PRKX: variants seen among roughly 807,000 people sequenced by gnomAD.
PRKX encodes cAMP-dependent protein kinase catalytic subunit PRKX.
Under a neutral mutation model 22.0 loss-of-function variants are expected in PRKX, and 12 were observed. The observed-to-expected ratio is 0.54, with a 90% CI of 0.35 to 0.88. The LOEUF (loss-of-function observed/expected upper bound fraction) is 0.88. Among genes scored for constraint, PRKX ranks in the 40% least tolerant of loss-of-function variants. The pLI, the probability that PRKX is intolerant of heterozygous loss-of-function variation, is 0.01. For missense variants in PRKX, 217 were observed against 308.0 expected (o/e 0.70, Z 2.21); for synonymous variants, 134 against 137.7 (o/e 0.97, Z 0.19).
chrX:3,639,647 AAAC>A (rs901702151), intron 4 of PRKX, among the ~76,000 whole-genome samples: 2 of 109,045 alleles, frequency 1.8e-5, no homozygotes, highest in Non-Finnish European at 3.8e-5. Flanking sequence ...GATGGATGAT[AAAC>A]AATACACATG....
chrX:3,607,874 CCTT>C lies in PRKX; in HGVS notation c.*1092_*1094del, dbSNP rs1213333523. 2 of 99,952 alleles carry C rather than the reference CCTT, an allele frequency of 2.0e-5. No homozygotes were observed. The highest frequency in any genetic ancestry group is 4.0e-5 in the Non-Finnish European group (2 of 49,726). The allele number at this position is 99,952 out of a possible 1,213,427, so 8.2% of individuals were successfully genotyped here. A position where few individuals can be genotyped will look rare whatever the true frequency, so the allele number is the denominator to read the frequency against. ...CATCTTCAAAAGCACAAAGCCATTGCCTTCTTTTTTTTTTTTTTTTTTTTTGGA... is the reference window on the plus strand; with the variant it reads ...CATCTTCAAAAGCACAAAGCCATTGCCTTTTTTTTTTTTTTTTTTTTTGGA... On this transcript the variant is annotated 3_prime_UTR_variant, in exon 9 of 9. Transcript: ENST00000262848.
At chrX:3,659,443 CAT>C (rs2082114746) in intron 2 of PRKX, 1 of 111,411 alleles carries the variant, frequency 9.0e-6, no homozygotes, top group Non-Finnish European at 1.9e-5. Flanking sequence ...ATGACCCACA[CAT>C]ACAGGTTGCA....
At chrX:3,713,045 C>CCG (rs1332980976) in intron 1 of PRKX, 43 bp downstream of exon 1, 5 of 1,129,345 alleles carry the variant, frequency 4.4e-6, no homozygotes, top group Non-Finnish European at 5.8e-6. Context: ...CCCGGCCACG[C>CCG]CGCGCGCCCC....
chrX:3,630,035 T>C (rs1301503869), intron 4 of PRKX, among the ~76,000 whole-genome samples: 1 of 112,173 alleles, frequency 8.9e-6, no homozygotes, highest in African/African-American at 3.2e-5. Flanking sequence ...AAAAACAAGA[T>C]TGTCATACTA....
intron 2 of PRKX, among the ~76,000 whole-genome samples, chrX:3,662,694 CAAAAA>C (rs55726241): frequency 9.0e-5 from 4 of 44,270 alleles, no homozygotes; most frequent in African/African-American, 2.9e-4. Context: ...GACTCCATCT[CAAAAA>C]AAAAAAAAAA....
intron 1 of PRKX, among the ~76,000 whole-genome samples, chrX:3,682,475 C>T (rs1928093828): frequency 1.8e-5 from 2 of 110,702 alleles, no homozygotes; most frequent in Non-Finnish European, 3.8e-5. Context: ...CCCTGTAATC[C>T]CAGCACAGGA....
At chrX:3,647,427 TTAAC>T (rs1283664710) in intron 3 of PRKX, among the ~76,000 whole-genome samples, 1 of 105,762 alleles carries the variant, frequency 9.5e-6, no homozygotes, top group African/African-American at 3.4e-5. Context: ...ATAATTATGT[TTAAC>T]TAAAAATTAC....
At position 3,668,903 on chromosome X, in the gene PRKX, T is replaced by C. The variant is rs377005897; in HGVS notation, c.335+5695A>G. ...CCGCTACAGTGGGTGTCAATGGAGC[T>C]GATTCTGCTCCCCACAATAAACACT... On this transcript the variant is annotated intron_variant, in intron 2 of 8. Coordinates refer to ENST00000262848, the MANE Select transcript of PRKX (RefSeq NM_005044.5). Among the ~76,000 whole-genome samples, 231 of 112,750 alleles carry C rather than the reference T, an allele frequency of 2.0e-3. 1 individual carries two copies. The highest frequency in any genetic ancestry group is 9.1e-3 in the Middle Eastern group (2 of 219).
chrX:3,614,805 A>G (rs1926382321), intron 7 of PRKX, among the ~76,000 whole-genome samples: 1 of 110,663 alleles, frequency 9.0e-6, no homozygotes, highest in African/African-American at 3.3e-5. Flanking sequence ...TAAATGTTTG[A>G]GCTGATGGAT....
intron 4 of PRKX, among the ~76,000 whole-genome samples, chrX:3,639,513 G>T (rs1431401304): frequency 2.3e-5 from 1 of 42,853 alleles, no homozygotes; most frequent in Non-Finnish European, 4.7e-5. Context: ...GATGGATGAA[G>T]GAGTGGGTGG....
rs192102562 is a variant in PRKX at position 3,705,977 on chromosome X, C to T, written c.166+7111G>A. The stretch of plus-strand genomic sequence containing the variant: ...AAAGTGCTGGGATTACAGGCATGAG[C>T]CACCGCACCCGGCCGGTTTTTCTTT... On this transcript the variant is annotated intron_variant, in intron 1 of 8. Coordinates refer to ENST00000262848, the MANE Select transcript of PRKX (RefSeq NM_005044.5). Among the ~76,000 whole-genome samples the T allele has an allele frequency of 2.9e-4, 28 of 98,216 alleles. No individual in the cohort carries two copies. The Admixed American group carries it at 3.0e-3, about 11-fold the overall frequency. The allele number at this position is 98,216 out of a possible 115,157, so 85.3% of individuals were successfully genotyped here.
At chrX:3,656,275 G>A (rs1371790001) in intron 2 of PRKX, among the ~76,000 whole-genome samples, 1 of 111,465 alleles carries the variant, frequency 9.0e-6, no homozygotes, top group Non-Finnish European at 1.9e-5. Context: ...TATGGGTGTA[G>A]AGAGATGTTA....
At chrX:3,652,657 A>G (rs767621977) in intron 3 of PRKX, among the ~76,000 whole-genome samples, 5 of 112,265 alleles carry the variant, frequency 4.5e-5, no homozygotes, top group African/African-American at 9.7e-5. Flanking sequence ...GTACGGAAAC[A>G]TATCTATATA....
intron 4 of PRKX, among the ~76,000 whole-genome samples, chrX:3,638,143 T>A (rs1191596322): frequency 8.9e-6 from 1 of 111,893 alleles, no homozygotes. Flanking sequence ...CTAATATATT[T>A]AAATATTCCA....
chrX:3,641,014 G>A (rs1307383955), intron 4 of PRKX, among the ~76,000 whole-genome samples: 2 of 111,645 alleles, frequency 1.8e-5, no homozygotes, highest in Non-Finnish European at 3.8e-5. Flanking sequence ...TCCAGGAATT[G>A]CCCACCACTT....
chrX:3,610,178 C>T (rs191036116), intron 8 of PRKX, among the ~76,000 whole-genome samples: 4 of 111,894 alleles, frequency 3.6e-5, no homozygotes, highest in Admixed American at 9.5e-5. Context: ...ATTACTAAGA[C>T]GGATTAAAAT....
At chrX:3,704,790 T>TA (rs1928650069) in intron 1 of PRKX, among the ~76,000 whole-genome samples, 2 of 112,113 alleles carry the variant, frequency 1.8e-5, no homozygotes, top group African/African-American at 6.5e-5. Context: ...ACAGGCTGAA[T>TA]AGTACTCCAT....
In PRKX at chrX:3,700,749, T is replaced by TTTGTTGTTGTTG. The variant is rs3073363; in HGVS notation, c.166+12327_166+12338dup. On this transcript the variant is annotated intron_variant, in intron 1 of 8. Coordinates refer to ENST00000262848, the MANE Select transcript of PRKX (RefSeq NM_005044.5). ...ACGTGCCACCACGCCCAGCTAATTG[T>TTTGTTGTTGTTG]TTGTTGTTGTTGTTGTTGTTGTTTG... Among the ~76,000 whole-genome samples, 195 of 105,500 alleles carry TTTGTTGTTGTTG rather than the reference T, an allele frequency of 1.8e-3. 1 individual carries two copies. Among genetic ancestry groups the TTTGTTGTTGTTG allele is most frequent in the Non-Finnish European group, 2.6e-3 (132 of 51,613 alleles). The allele number at this position is 105,500 out of a possible 115,157, so 91.6% of individuals were successfully genotyped here. A position where few individuals can be genotyped will look rare whatever the true frequency, so the allele number is the denominator to read the frequency against.
chrX:3,640,401 C>T (rs756945132), intron 4 of PRKX, among the ~76,000 whole-genome samples: 5 of 111,937 alleles, frequency 4.5e-5, no homozygotes, highest in African/African-American at 1.6e-4. Flanking sequence ...AAAAGTGCCA[C>T]GCTACTGTGT....
Sources: gnomAD v4.1 joint callset for allele counts (sites outside exome capture counted in the v4.1 genomes callset) on GRCh38, gnomAD v4.1.1 for gene constraint, MANE v1.5 for transcripts, NCBI Gene and HGNC (gene_info 2026-07-23, HGNC 2026-07-21) for gene names.